Variants in PARVA observed in about 807,000 individuals in gnomAD.
The protein encoded by PARVA is alpha-parvin.
A neutral mutation model predicts 52.6 loss-of-function variants in PARVA; 25 were observed. The observed-to-expected ratio is 0.48, with a 90% CI of 0.35 to 0.66. PARVA has a LOEUF of 0.66. PARVA is among the 30% of genes least tolerant of loss of function. PARVA has a pLI of 0.01. For missense variants in PARVA, 373 were observed against 450.9 expected (o/e 0.83, Z 1.56); for synonymous variants, 185 against 179.1 (o/e 1.03, Z -0.26).
At position 12,431,028 on chromosome 11, in the gene PARVA, A is replaced by G. The variant is rs1319605449; in HGVS notation, c.137-42717A>G. Among the ~76,000 whole-genome samples, 6 of 152,338 alleles carry G rather than the reference A, an allele frequency of 3.9e-5. No individual in the cohort carries two copies. In the East Asian group the frequency reaches 7.7e-4, roughly 20 times the overall value. ...CAGCCTTATTTTCCTTTCTTAAGCA[A>G]TATCCCTTTCACACAGATGTGGACA... On this transcript the variant is annotated intron_variant, in intron 1 of 12. Coordinates refer to ENST00000334956, the MANE Select transcript of PARVA (RefSeq NM_018222.5).
At chr11:12,485,707 C>T (rs1455494220) in intron 4 of PARVA, among the ~76,000 whole-genome samples, 1 of 151,900 alleles carries the variant, frequency 6.6e-6, no homozygotes, top group Non-Finnish European at 1.5e-5. Flanking sequence ...GTAGATATAA[C>T]CCCTTCAAAA....
chr11:12,394,710 CAA>C (rs1481980078), intron 1 of PARVA, among the ~76,000 whole-genome samples: 1 of 152,162 alleles, frequency 6.6e-6, no homozygotes, highest in South Asian at 2.1e-4. Flanking sequence ...CCTGTATACA[CAA>C]GAGATTGGTC....
intron 1 of PARVA, among the ~76,000 whole-genome samples, chr11:12,472,910 G>A (rs1276583241): frequency 2.0e-5 from 3 of 152,166 alleles, no homozygotes; most frequent in Non-Finnish European, 4.4e-5. Context: ...TTTGTGGGAG[G>A]AATTCTTTTG....
At chr11:12,382,234 C>T (rs763692782) in intron 1 of PARVA, among the ~76,000 whole-genome samples, 1 of 152,148 alleles carries the variant, frequency 6.6e-6, no homozygotes, top group African/African-American at 2.4e-5. Context: ...TGGCATCACG[C>T]ACAGTTCTTG....
intron 1 of PARVA, chr11:12,453,095 G>A (rs1564850886): frequency 8.9e-6 from 4 of 449,896 alleles, no homozygotes; most frequent in South Asian, 3.2e-5. Context: ...TTGGGGGGGC[G>A]CCCTGGCCAC....
intron 1 of PARVA, among the ~76,000 whole-genome samples, chr11:12,395,976 C>T (rs995513895): frequency 6.6e-6 from 1 of 152,226 alleles, no homozygotes; most frequent in African/African-American, 2.4e-5. Flanking sequence ...TGGCAATGCT[C>T]TGAGCATAGT....
rs1469461494 is a variant in PARVA at position 12,530,283 on chromosome 11, AT to A, written c.*2362del. On this transcript the variant is annotated 3_prime_UTR_variant, in exon 13 of 13. Coordinates refer to ENST00000334956, the MANE Select transcript of PARVA (RefSeq NM_018222.5). The stretch of plus-strand genomic sequence containing the variant: ...TCTAATGCTGTCATCTCAGTTCGAT[AT>A]TTTACTTTAGAACCTGGAATCTCCT... The A allele has an allele frequency of 6.6e-6, 1 of 152,140 alleles. No homozygotes were observed. The highest frequency in any genetic ancestry group is 1.5e-5 in the Non-Finnish European group (1 of 68,034). The allele number at this position is 152,140 out of a possible 1,614,324, so 9.4% of individuals were successfully genotyped here. A position where few individuals can be genotyped will look rare whatever the true frequency, so the allele number is the denominator to read the frequency against.
At chr11:12,423,182 A>ATTT (rs34667589) in intron 1 of PARVA, among the ~76,000 whole-genome samples, 10 of 132,922 alleles carry the variant, frequency 7.5e-5, no homozygotes, top group African/African-American at 2.3e-4. Context: ...CATTAAGGAG[A>ATTT]TTTTTTTTTT....
At chr11:12,438,845 G>A (rs1025353589) in intron 1 of PARVA, among the ~76,000 whole-genome samples, 3 of 152,152 alleles carry the variant, frequency 2.0e-5, no homozygotes, top group Admixed American at 6.6e-5. Context: ...CTCCTGCCTT[G>A]TACAGTGCCA....
In PARVA at chr11:12,401,583, T is replaced by C. The variant is rs146264020; in HGVS notation, c.136+23800T>C. Among the ~76,000 whole-genome samples the C allele has an allele frequency of 2.4e-4, 37 of 152,332 alleles. No homozygotes were observed. In the East Asian group the frequency reaches 6.0e-3, roughly 25 times the overall value. On this transcript the variant is annotated intron_variant, in intron 1 of 12. Transcript: ENST00000334956. The stretch of plus-strand genomic sequence containing the variant: ...TACCTTGGTCATGAATCTTACGAAG[T>C]TGAAGACATCGTACTGAAGTATAGA...
intron 1 of PARVA, among the ~76,000 whole-genome samples, chr11:12,439,652 G>A: frequency 6.6e-6 from 1 of 152,092 alleles, no homozygotes; most frequent in East Asian, 1.9e-4. Context: ...TAAACTCCTT[G>A]ATGGTTTTCC....
chr11:12,444,479 C>G (rs1332137465), intron 1 of PARVA, among the ~76,000 whole-genome samples: 1 of 152,042 alleles, frequency 6.6e-6, no homozygotes, highest in Non-Finnish European at 1.5e-5. Context: ...GGGTCTCACT[C>G]TGTTGCCCAG....
At chr11:12,470,197 C>T (rs989950663) in intron 1 of PARVA, among the ~76,000 whole-genome samples, 2 of 152,360 alleles carry the variant, frequency 1.3e-5, no homozygotes, top group South Asian at 4.1e-4. Context: ...AATTCTGCCT[C>T]AACTCATAAC....
At chr11:12,469,346 C>G (rs987302225) in intron 1 of PARVA, among the ~76,000 whole-genome samples, 1 of 152,152 alleles carries the variant, frequency 6.6e-6, no homozygotes, top group African/African-American at 2.4e-5. Context: ...CTTTCCCTAC[C>G]CCGACCTTCA....
At chr11:12,525,687 G>C (rs892658550) in intron 12 of PARVA, among the ~76,000 whole-genome samples, 3 of 152,140 alleles carry the variant, frequency 2.0e-5, no homozygotes, top group African/African-American at 7.2e-5. Flanking sequence ...AGCAAGGCAA[G>C]GTAGCAGGAC....
At position 12,529,956 on chromosome 11, in the gene PARVA, A is replaced by ATAAT. The variant is rs1466985128; in HGVS notation, c.*2033_*2036dup. On this transcript the variant is annotated 3_prime_UTR_variant, in exon 13 of 13. Coordinates refer to ENST00000334956, the MANE Select transcript of PARVA (RefSeq NM_018222.5). ...AATTCCTGGTAGCAAATCAAGATAA[A>ATAAT]TAATTGCTTCATTTTCTTGAGCAAT... The ATAAT allele has an allele frequency of 6.6e-6, 1 of 152,234 alleles. No individual in the cohort carries two copies. The highest frequency in any genetic ancestry group is 6.5e-5 in the Admixed American group (1 of 15,284). 9.4% of individuals were successfully genotyped at this position (152,234 alleles called of 1,614,324 possible). A position where few individuals can be genotyped will look rare whatever the true frequency, so the allele number is the denominator to read the frequency against.
At chr11:12,451,522 A>G (rs1477310286) in intron 1 of PARVA, among the ~76,000 whole-genome samples, 1 of 152,046 alleles carries the variant, frequency 6.6e-6, no homozygotes, top group Non-Finnish European at 1.5e-5. Context: ...TCAAACATGC[A>G]GGTAACTCTA....
At chr11:12,425,267 A>G (rs1940214567) in intron 1 of PARVA, among the ~76,000 whole-genome samples, 3 of 152,218 alleles carry the variant, frequency 2.0e-5, no homozygotes, top group Non-Finnish European at 4.4e-5. Context: ...GCACTGCTGA[A>G]TGTAAACCAC....
At chr11:12,397,166 A>G (rs1396482440) in intron 1 of PARVA, among the ~76,000 whole-genome samples, 1 of 152,236 alleles carries the variant, frequency 6.6e-6, no homozygotes, top group African/African-American at 2.4e-5. Context: ...TAGGTTCCCT[A>G]TTGATGAACA....
Sources: allele counts gnomAD v4.1 joint callset (sites outside exome capture counted in the v4.1 genomes callset), GRCh38; gene constraint gnomAD v4.1.1; transcripts MANE v1.5; gene names NCBI Gene and HGNC (gene_info 2026-07-23, HGNC 2026-07-21).